The following GRID2 variants were observed in gnomAD, a reference collection of about 807,000 sequenced individuals.
GRID2 encodes the protein glutamate receptor ionotropic, delta-2.
In GRID2, 33 loss-of-function variants were observed where a neutral mutation model predicts 114.8. The ratio of observed to expected loss-of-function variants is 0.29; its 90% CI spans 0.22 to 0.38. The LOEUF is 0.38. Ranked by LOEUF, GRID2 falls within the 10% of genes least tolerant of loss-of-function variation. GRID2 has a pLI of 1.00. For synonymous variants in GRID2, 505 were observed against 449.9 expected (o/e 1.12, Z -1.55); for missense variants, 1,184 against 1,257.7 (o/e 0.94, Z 0.89).
intron 1 of GRID2, among the ~76,000 whole-genome samples, chr4:93,782,967 C>T (rs1490234455): frequency 1.3e-5 from 2 of 151,990 alleles, no homozygotes; most frequent in Non-Finnish European, 2.9e-5. Context: ...TAATTATGTA[C>T]ACCTGTTGCC....
At chr4:93,709,404 A>G (rs1295257843) in intron 14 of GRID2, among the ~76,000 whole-genome samples, 1 of 152,134 alleles carries the variant, frequency 6.6e-6, no homozygotes, top group Non-Finnish European at 1.5e-5. Context: ...TAAATATGTC[A>G]TGCCACTCTC....
At chr4:93,442,095 C>T (rs1163050960) in intron 10 of GRID2, among the ~76,000 whole-genome samples, 1 of 151,980 alleles carries the variant, frequency 6.6e-6, no homozygotes, top group Non-Finnish European at 1.5e-5. Context: ...TAACAAAGAG[C>T]TTACATTCCC....
intron 11 of GRID2, among the ~76,000 whole-genome samples, chr4:93,472,412 C>A (rs569767965): frequency 7.2e-5 from 11 of 152,024 alleles, no homozygotes; most frequent in Non-Finnish European, 1.3e-4. Flanking sequence ...AGACTTTATC[C>A]ATATACATTA....
intron 2 of GRID2, among the ~76,000 whole-genome samples, chr4:92,868,217 C>G (rs1223582055): frequency 6.6e-6 from 1 of 151,942 alleles, no homozygotes; most frequent in Non-Finnish European, 1.5e-5. Flanking sequence ...GCTAGTTCTA[C>G]TACTTCTTTG....
chr4:93,271,055 A>G (rs1386382555), intron 8 of GRID2, among the ~76,000 whole-genome samples: 7 of 152,218 alleles, frequency 4.6e-5, no homozygotes, highest in Admixed American at 6.5e-5. Flanking sequence ...TTGAGGCTAC[A>G]TTATATGATT....
chr4:92,857,308 G>A (rs756766820), intron 2 of GRID2, among the ~76,000 whole-genome samples: 12 of 151,878 alleles, frequency 7.9e-5, no homozygotes, highest in Non-Finnish European at 1.8e-4. Context: ...AGTGTTGAAA[G>A]CCAAAATAGG....
At chr4:93,042,925 C>T (rs1048862099) in intron 2 of GRID2, among the ~76,000 whole-genome samples, 1 of 151,298 alleles carries the variant, frequency 6.6e-6, no homozygotes, top group African/African-American at 2.4e-5. Flanking sequence ...CTTACTATTG[C>T]AGTAATACAG....
intron 1 of GRID2, among the ~76,000 whole-genome samples, chr4:92,511,393 G>A (rs188632147): frequency 5.3e-5 from 8 of 151,914 alleles, no homozygotes; most frequent in South Asian, 4.2e-4. Flanking sequence ...CAGGTCCACC[G>A]CCAACACTGG....
intron 2 of GRID2, among the ~76,000 whole-genome samples, chr4:92,762,252 G>T (rs1738054897): frequency 6.6e-6 from 1 of 151,832 alleles, no homozygotes; most frequent in East Asian, 1.9e-4. Flanking sequence ...TACTGTCCAG[G>T]CTGAGATTAA....
At chr4:92,444,971 ATATT>A (rs527369084) in intron 1 of GRID2, among the ~76,000 whole-genome samples, 216 of 152,232 alleles carry the variant, frequency 1.4e-3, no homozygotes, top group African/African-American at 5.1e-3. Flanking sequence ...CACGTATGCC[ATATT>A]TGTTTGTTTG....
intron 14 of GRID2, among the ~76,000 whole-genome samples, chr4:93,665,648 TA>T (rs1485914297): frequency 6.6e-6 from 1 of 152,198 alleles, no homozygotes; most frequent in Non-Finnish European, 1.5e-5. Flanking sequence ...TTGACTGCTC[TA>T]AATGCTATAA....
At chr4:93,492,322 G>A (rs11947075) in intron 12 of GRID2, among the ~76,000 whole-genome samples, 2,197 of 151,872 alleles carry the variant, frequency 0.014, 49 homozygotes, top group African/African-American at 0.05. Flanking sequence ...TTTTATAAAT[G>A]ACAAAACTAA....
At chr4:93,160,427 A>G (rs1737586773) in intron 4 of GRID2, among the ~76,000 whole-genome samples, 1 of 151,862 alleles carries the variant, frequency 6.6e-6, no homozygotes, top group South Asian at 2.1e-4. Flanking sequence ...ATAGCTAAAC[A>G]AATATAATTT....
At chr4:93,536,794 A>G (rs2149521608) in intron 13 of GRID2, among the ~76,000 whole-genome samples, 1 of 151,796 alleles carries the variant, frequency 6.6e-6, no homozygotes, top group African/African-American at 2.4e-5. Context: ...TAAGGGACAT[A>G]TTTGTGCTTA....
At chr4:92,844,474 G>C (rs1318936897) in intron 2 of GRID2, among the ~76,000 whole-genome samples, 1 of 152,010 alleles carries the variant, frequency 6.6e-6, no homozygotes, top group African/African-American at 2.4e-5. Flanking sequence ...GGGAAGAGGA[G>C]GTTGCAGTGA....
At chr4:93,041,874 A>T (rs1346927574) in intron 2 of GRID2, among the ~76,000 whole-genome samples, 1 of 152,088 alleles carries the variant, frequency 6.6e-6, no homozygotes, top group Non-Finnish European at 1.5e-5. Flanking sequence ...TGACAAAAAT[A>T]TACACACATA....
At chr4:92,915,497 G>A (rs750384514) in intron 2 of GRID2, among the ~76,000 whole-genome samples, 10 of 152,210 alleles carry the variant, frequency 6.6e-5, no homozygotes, top group East Asian at 1.9e-4. Flanking sequence ...TTTTAAAATT[G>A]TACTTTGGGG....
chr4:92,350,312 C>G lies in GRID2; in HGVS notation c.88+45568C>G, dbSNP rs187115493. ...AGGATGTATTGTTATTCTTTAATATCCACTACTCTCTCTCTTTCTTTATAA... is the reference window on the plus strand; with the variant it reads ...AGGATGTATTGTTATTCTTTAATATGCACTACTCTCTCTCTTTCTTTATAA... On this transcript the variant is annotated intron_variant, in intron 1 of 15. Transcript: ENST00000282020. Among the ~76,000 whole-genome samples the G allele has an allele frequency of 5.3e-5, 8 of 151,812 alleles. No homozygotes were observed. The East Asian group carries it at 1.5e-3, about 29-fold the overall frequency.
At chr4:93,403,288 T>C (rs1262369755) in intron 9 of GRID2, among the ~76,000 whole-genome samples, 2 of 152,058 alleles carry the variant, frequency 1.3e-5, no homozygotes, top group African/African-American at 4.8e-5. Flanking sequence ...ACAATGGAAA[T>C]ACACAGGATA....
Sources: gnomAD v4.1 joint callset for allele counts (sites outside exome capture counted in the v4.1 genomes callset) on GRCh38, gnomAD v4.1.1 for gene constraint, MANE v1.5 for transcripts, NCBI Gene and HGNC (gene_info 2026-07-23, HGNC 2026-07-21) for gene names.